SPOPL: variants seen among roughly 807,000 people sequenced by gnomAD.
SPOPL encodes the protein speckle type BTB/POZ protein like.
In SPOPL, 23 loss-of-function variants were observed where a neutral mutation model predicts 53.8. That is an observed-to-expected ratio of 0.43 (90% CI 0.31 to 0.61). SPOPL has a LOEUF of 0.61. SPOPL is among the 20% of genes least tolerant of loss of function. SPOPL has a pLI of 0.12. For synonymous variants in SPOPL, 164 were observed against 149.7 expected, an observed-to-expected ratio of 1.10 and a Z score of -0.70; for missense variants, 442 against 466.9, an observed-to-expected ratio of 0.95 and a Z score of 0.49.
chr2:138,555,371 T>C (rs1397226382), intron 5 of SPOPL, among the ~76,000 whole-genome samples: 2 of 152,134 alleles, frequency 1.3e-5, no homozygotes, highest in African/African-American at 4.8e-5. Flanking sequence ...AAAATAATTA[T>C]ATATGATAGT....
intron 1 of SPOPL, among the ~76,000 whole-genome samples, chr2:138,518,147 TA>T (rs374659377): frequency 1.8e-4 from 27 of 147,598 alleles, no homozygotes; most frequent in Middle Eastern, 3.4e-3. Context: ...ATGATTTTGT[TA>T]AAAAAAAAAG....
Position 138,572,135 on chromosome 2 carries a change from T to C in SPOPL, c.*3055T>C, listed in dbSNP as rs982117630. The C allele has an allele frequency of 2.6e-5, 4 of 152,552 alleles. 1 individual carries two copies. The highest frequency in any genetic ancestry group is 1.3e-4 in the Admixed American group (2 of 15,232). The allele number at this position is 152,552 out of a possible 1,614,324, so 9.4% of individuals were successfully genotyped here. A position where few individuals can be genotyped will look rare whatever the true frequency, so the allele number is the denominator to read the frequency against. ...TCAGTTAAATGTTGAAAGTTCAGGT[T>C]AGCAGAAATATTTCATTTAAATATG... On this transcript the variant is annotated 3_prime_UTR_variant, in exon 11 of 11. Transcript: ENST00000280098.
chr2:138,556,650 A>G (rs1040681158), intron 5 of SPOPL, among the ~76,000 whole-genome samples: 6 of 152,190 alleles, frequency 3.9e-5, no homozygotes, highest in South Asian at 2.1e-4. Context: ...ACTTTTTTAT[A>G]GTTATTAAAA....
chr2:138,535,804 C>T (rs972193328), intron 1 of SPOPL, among the ~76,000 whole-genome samples: 1 of 151,806 alleles, frequency 6.6e-6, no homozygotes, highest in African/African-American at 2.4e-5. Context: ...TCCTACAGTT[C>T]TCTGAAGATG....
In SPOPL at chr2:138,570,454, G is replaced by A. The variant is rs747061472; in HGVS notation, c.*1374G>A. 5.3e-5 allele frequency: 8 copies of A among 152,152 alleles called. No homozygotes were observed. The highest frequency in any genetic ancestry group is 1.2e-4 in the Non-Finnish European group (8 of 68,038). 9.4% of individuals were successfully genotyped at this position (152,152 alleles called of 1,614,324 possible). A position where few individuals can be genotyped will look rare whatever the true frequency, so the allele number is the denominator to read the frequency against. ...AAATGCATATACACGTTCAGTGTTTGATAGTTGTGTTCTTAAGGGAGGTTT... is the reference window on the plus strand; with the variant it reads ...AAATGCATATACACGTTCAGTGTTTAATAGTTGTGTTCTTAAGGGAGGTTT... On this transcript the variant is annotated 3_prime_UTR_variant, in exon 11 of 11. Coordinates refer to ENST00000280098, the MANE Select transcript of SPOPL (RefSeq NM_001001664.3).
chr2:138,563,983 T>C (rs1215139908), intron 8 of SPOPL, among the ~76,000 whole-genome samples: 3 of 152,218 alleles, frequency 2.0e-5, no homozygotes, highest in African/African-American at 4.8e-5. Context: ...ATAATTATAC[T>C]GAATGAAGGA....
intron 8 of SPOPL, among the ~76,000 whole-genome samples, chr2:138,564,069 A>T (rs1328067682): frequency 1.3e-5 from 2 of 152,248 alleles, no homozygotes; most frequent in Non-Finnish European, 2.9e-5. Flanking sequence ...ATCTATAGTG[A>T]TAGAAAGCAT....
chr2:138,530,892 C>T (rs1196377844), intron 1 of SPOPL, among the ~76,000 whole-genome samples: 3 of 150,618 alleles, frequency 2.0e-5, no homozygotes, highest in East Asian at 2.0e-4. Context: ...GCCTCATTCC[C>T]GTTTCTCAGG....
chr2:138,559,324 A>G lies in SPOPL; in HGVS notation c.701A>G (p.Glu234Gly). 2 of 1,612,262 alleles carry G rather than the reference A, an allele frequency of 1.2e-6. No individual in the cohort carries two copies. The highest frequency in any genetic ancestry group is 1.3e-5 in the African/African-American group (1 of 74,978). Residue 234 changes from glutamate to glycine, a missense_variant, in exon 7 of 11, where the codon GAA becomes GGA. By Grantham distance (98) the Glu-to-Gly change is moderately conservative. Coordinates refer to ENST00000280098, the MANE Select transcript of SPOPL (RefSeq NM_001001664.3). ...AACGCCATGTTTGAACATGAAATGGAAGAAAGCAAAAAGGTAAACATGGCT... is the reference window on the plus strand; with the variant it reads ...AACGCCATGTTTGAACATGAAATGGGAGAAAGCAAAAAGGTAAACATGGCT... ...VFNAMFEHEM[E>G]ESKKNRVEIN...
At chr2:138,558,940 A>G (rs546358737) in intron 5 of SPOPL, 82 bp from the exon 6 acceptor site, 16 of 1,197,250 alleles carry the variant, frequency 1.3e-5, no homozygotes, top group Non-Finnish European at 1.8e-5. Flanking sequence ...AAGCTTAAAC[A>G]TAAAAAATTG....
intron 1 of SPOPL, among the ~76,000 whole-genome samples, chr2:138,530,170 G>A (rs905925173): frequency 6.6e-6 from 1 of 152,214 alleles, no homozygotes; most frequent in African/African-American, 2.4e-5. Flanking sequence ...TTATGTGGCT[G>A]TGTAGTATTC....
At chr2:138,556,853 G>A (rs1317736995) in intron 5 of SPOPL, among the ~76,000 whole-genome samples, 1 of 152,070 alleles carries the variant, frequency 6.6e-6, no homozygotes, top group East Asian at 1.9e-4. Context: ...ATTGTACGAA[G>A]AGCCGTAAAG....
In SPOPL at chr2:138,550,504, T is replaced by C; in HGVS notation, c.100T>C (p.Tyr34His). Reference sequence around the variant, plus strand: ...TTAGGTTAAAGTAGTAAAATTTTCCTATATGTGGACCATTAATAACTTCAG... The same window carrying C: ...TTAGGTTAAAGTAGTAAAATTTTCCCATATGTGGACCATTAATAACTTCAG... ...YTQVKVVKFS[Y>H]MWTINNFSFC... Residue 34 changes from tyrosine to histidine, a missense_variant, in exon 3 of 11, where the codon TAT becomes CAT. Physicochemically the swap from Tyr to His is moderately conservative, Grantham distance 83. Coordinates refer to ENST00000280098, the MANE Select transcript of SPOPL (RefSeq NM_001001664.3). 6.2e-7 allele frequency: 1 copy of C among 1,608,902 alleles called. No homozygotes were observed.
chr2:138,526,149 A>G (rs1684671220), intron 1 of SPOPL, among the ~76,000 whole-genome samples: 1 of 152,150 alleles, frequency 6.6e-6, no homozygotes, highest in Admixed American at 6.5e-5. Context: ...ATCAATTCTA[A>G]TGATTTTTTA....
intron 1 of SPOPL, among the ~76,000 whole-genome samples, chr2:138,530,483 A>G (rs1236705159): frequency 2.0e-5 from 3 of 152,174 alleles, no homozygotes; most frequent in Non-Finnish European, 4.4e-5. Flanking sequence ...TTTCTAATTT[A>G]TGAATACTGT....
chr2:138,556,545 A>G (rs1307333467), intron 5 of SPOPL, among the ~76,000 whole-genome samples: 1 of 152,204 alleles, frequency 6.6e-6, no homozygotes, highest in Non-Finnish European at 1.5e-5. Flanking sequence ...CTGATCCCTT[A>G]CGAAACCTTG....
rs1334044850 is a variant in SPOPL, at chr2:138,501,829, C to G, written c.-351C>G. On this transcript the variant is annotated 5_prime_UTR_variant, in exon 1 of 11. Transcript: ENST00000280098. ...CGTAACTCGGAAGCCGGAGCCCAGA[C>G]GGGCCCGCGGCGGGGGGGTGGGGGC... 7.0e-6 allele frequency: 1 copy of G among 143,300 alleles called. No homozygotes were observed. Among genetic ancestry groups the G allele is most frequent in the East Asian group, 2.5e-4 (1 of 4,032 alleles). 8.9% of individuals were successfully genotyped at this position (143,300 alleles called of 1,614,324 possible).
At chr2:138,520,895 A>T (rs1005484661) in intron 1 of SPOPL, among the ~76,000 whole-genome samples, 3 of 152,186 alleles carry the variant, frequency 2.0e-5, no homozygotes, top group Non-Finnish European at 4.4e-5. Context: ...AAAAATCCTA[A>T]TACTGTATAA....
At chr2:138,518,115 A>G (rs1684484473) in intron 1 of SPOPL, among the ~76,000 whole-genome samples, 1 of 151,780 alleles carries the variant, frequency 6.6e-6, no homozygotes, top group Non-Finnish European at 1.5e-5. Context: ...GAAGAGAAAT[A>G]ATGAAGGCAA....
Sources: gnomAD v4.1 joint callset for allele counts (sites outside exome capture counted in the v4.1 genomes callset) on GRCh38, gnomAD v4.1.1 for gene constraint, MANE v1.5 for transcripts, NCBI Gene and HGNC (gene_info 2026-07-23, HGNC 2026-07-21) for gene names.